Variants in PIGZ observed in about 807,000 individuals in gnomAD.
PIGZ encodes the protein GPI alpha-1,2-mannosyltransferase 4.
In PIGZ, 16 loss-of-function variants were observed where a neutral mutation model predicts 16.4. That is an observed-to-expected ratio of 0.97 (90% confidence interval 0.66 to 1.48). The LOEUF is 1.48. PIGZ is among the 40% of genes most tolerant of loss of function. The pLI, the probability that PIGZ is intolerant of heterozygous loss-of-function variation, is 0.00. For synonymous variants in PIGZ, 409 were observed against 338.4 expected (o/e 1.21, Z -2.29); for missense variants, 770 against 739.2 (o/e 1.04, Z -0.48).
Position 196,948,898 on chromosome 3 carries a change from C to T in PIGZ, c.212-213G>A, listed in dbSNP as rs1281761221. ...TTCCTTCCCTTCCTTCCCCTTCCTT[C>T]CCTTCCCCTCCCCTCCCTTCCCTTC... On this transcript the variant is annotated intron_variant, in intron 2 of 2. Transcript: ENST00000412723. 2.0e-3 allele frequency among the ~76,000 whole-genome samples: 142 copies of T among 69,574 alleles called. 22 individuals are homozygous for T. The highest frequency in any genetic ancestry group is 8.0e-3 in the African/African-American group (129 of 16,166). The allele number at this position is 69,574 out of a possible 152,430, so 45.6% of individuals were successfully genotyped here.
At chr3:196,963,947 C>T (rs1717817696) in intron 1 of PIGZ, among the ~76,000 whole-genome samples, 1 of 152,170 alleles carries the variant, frequency 6.6e-6, no homozygotes, top group Non-Finnish European at 1.5e-5. Flanking sequence ...TCTGAAATTG[C>T]TTCTTTTCTG....
intron 1 of PIGZ, among the ~76,000 whole-genome samples, chr3:196,954,871 T>C (rs916012029): frequency 3.9e-5 from 6 of 152,222 alleles, no homozygotes; most frequent in African/African-American, 1.4e-4. Context: ...CTATACTTAC[T>C]GGATATGGAG....
intron 2 of PIGZ, among the ~76,000 whole-genome samples, chr3:196,950,147 G>A (rs1204031354): frequency 2.0e-5 from 3 of 152,042 alleles, no homozygotes; most frequent in Non-Finnish European, 2.9e-5. Context: ...ACTGTGCCTG[G>A]CTGATTTTTG....
At chr3:196,948,807 T>G in intron 2 of PIGZ, 122 bp from the exon 3 acceptor site, 1 of 575,374 alleles carries the variant, frequency 1.7e-6, no homozygotes, top group Non-Finnish European at 2.7e-6. Context: ...CCTGGGACTG[T>G]GCACGGGCTG....
chr3:196,949,319 A>G (rs956152960), intron 2 of PIGZ, among the ~76,000 whole-genome samples: 1 of 152,094 alleles, frequency 6.6e-6, no homozygotes, highest in Non-Finnish European at 1.5e-5. Flanking sequence ...GGACCTAATC[A>G]CAACAATCTT....
Position 196,951,949 on chromosome 3 carries a change from A to G in PIGZ, c.83T>C (p.Leu28Pro), listed in dbSNP as rs1717304162. 1 of 1,614,196 alleles carries G rather than the reference A, an allele frequency of 6.2e-7. No homozygotes were observed. Among genetic ancestry groups the G allele is most frequent in the Non-Finnish European group, 8.5e-7 (1 of 1,180,036 alleles). ...QVLGPVCWQQ[L>P]DLKMAVRVLW... ...CACCCTGACTGCCATCTTCAGATCC[A>G]GTTGTTGCCAACACACCGGGCCCAA... is the stretch of plus-strand genomic sequence containing the variant. Residue 28 changes from leucine to proline, a missense_variant, in exon 2 of 3, where the codon CTG becomes CCG. Physicochemically the swap from Leu to Pro is moderately conservative, Grantham distance 98. Transcript: ENST00000412723.
At chr3:196,951,613 A>G in intron 2 of PIGZ, 2 of 601,310 alleles carry the variant, frequency 3.3e-6, no homozygotes, top group Non-Finnish European at 5.9e-6. Flanking sequence ...GTTTATTAGC[A>G]TTACCCAGAA....
rs1560181784 is a variant in PIGZ, at chr3:196,949,050, T to TCCTTC, written c.212-366_212-365insGAAGG. On this transcript the variant is annotated intron_variant, in intron 2 of 2. Transcript: ENST00000412723. ...CCTTCCTTCCCTTCCTTCCTTCCCT[T>TCCTTC]CCCTTCCTTCCCCTTCCTTCGCTTC... Among the ~76,000 whole-genome samples the TCCTTC allele has an allele frequency of 7.3e-4, 17 of 23,434 alleles. 1 individual carries two copies. Among genetic ancestry groups the TCCTTC allele is most frequent in the African/African-American group, 6.0e-3 (14 of 2,340 alleles). 15.4% of individuals were successfully genotyped at this position (23,434 alleles called of 152,430 possible). A position where few individuals can be genotyped will look rare whatever the true frequency, so the allele number is the denominator to read the frequency against.
intron 1 of PIGZ, among the ~76,000 whole-genome samples, chr3:196,952,663 C>G (rs1169489645): frequency 6.6e-6 from 1 of 152,154 alleles, no homozygotes; most frequent in Non-Finnish European, 1.5e-5. Context: ...GTCTTGAACT[C>G]CTGACCTCAT....
intron 2 of PIGZ, among the ~76,000 whole-genome samples, chr3:196,950,744 C>CTTTTTTTT (rs35150164): frequency 5.5e-5 from 8 of 145,602 alleles, no homozygotes; most frequent in Admixed American, 7.0e-5. Context: ...CTTCATTAGA[C>CTTTTTTTT]TTTTTTTTTT....
At chr3:196,953,520 G>T (rs1456619918) in intron 1 of PIGZ, among the ~76,000 whole-genome samples, 3 of 152,186 alleles carry the variant, frequency 2.0e-5, no homozygotes, top group Non-Finnish European at 4.4e-5. Context: ...AGTATTAACT[G>T]CATCTCAGAA....
At chr3:196,957,579 A>C (rs545872400) in intron 1 of PIGZ, among the ~76,000 whole-genome samples, 1 of 152,002 alleles carries the variant, frequency 6.6e-6, no homozygotes, top group African/African-American at 2.4e-5. Context: ...ACGGGGTTTC[A>C]TCATGTTGGC....
At chr3:196,960,968 G>A (rs1459602036) in intron 1 of PIGZ, among the ~76,000 whole-genome samples, 2 of 152,198 alleles carry the variant, frequency 1.3e-5, no homozygotes, top group African/African-American at 2.4e-5. Flanking sequence ...GGAATAAAGA[G>A]CAAAATAAGT....
At chr3:196,956,442 A>G (rs995757300) in intron 1 of PIGZ, among the ~76,000 whole-genome samples, 1 of 152,214 alleles carries the variant, frequency 6.6e-6, no homozygotes, top group Non-Finnish European at 1.5e-5. Flanking sequence ...AAACCATCAG[A>G]TCTCGTGAGA....
chr3:196,948,735 G>T, intron 2 of PIGZ, 50 bp from the exon 3 acceptor site: 1 of 1,374,854 alleles, frequency 7.3e-7, no homozygotes, highest in Non-Finnish European at 9.6e-7. Context: ...GGATGTAGTG[G>T]GCAAAATTCT....
chr3:196,949,060 C>CCCTT (rs149390391), intron 2 of PIGZ, among the ~76,000 whole-genome samples: 2 of 23,560 alleles, frequency 8.5e-5, no homozygotes, highest in East Asian at 0.017. Flanking sequence ...TCCCTTCCTT[C>CCCTT]CCCTTCCTTC....
Position 196,951,923 on chromosome 3 carries a change from G to T in PIGZ, c.109C>A (p.Leu37Ile). Residue 37 changes from leucine to isoleucine, a missense_variant, in exon 2 of 3, where the codon CTT becomes ATT. Leu to Ile is a conservative substitution (Grantham distance 5, BLOSUM62 2). Transcript: ENST00000412723. The stretch of plus-strand genomic sequence containing the variant: ...CGGAGCAGGCTGAGACCACCCCAAA[G>T]CACCCTGACTGCCATCTTCAGATCC... ...QLDLKMAVRV[L>I]WGGLSLLRVL... is the part of the protein sequence containing the mutation. 6.2e-7 allele frequency: 1 copy of T among 1,614,134 alleles called. No homozygotes were observed. Among genetic ancestry groups the T allele is most frequent in the Non-Finnish European group, 8.5e-7 (1 of 1,180,040 alleles).
chr3:196,962,552 A>G (rs1717760546), intron 1 of PIGZ, among the ~76,000 whole-genome samples: 1 of 151,874 alleles, frequency 6.6e-6, no homozygotes, highest in Non-Finnish European at 1.5e-5. Flanking sequence ...TCCCCTGGGA[A>G]TGGAATGTCT....
chr3:196,962,842 C>T (rs886199691), intron 1 of PIGZ, among the ~76,000 whole-genome samples: 2 of 152,194 alleles, frequency 1.3e-5, no homozygotes, highest in East Asian at 3.8e-4. Flanking sequence ...TGCCACATCC[C>T]CCTCACTGAG....
Sources: gnomAD v4.1 joint callset for allele counts (sites outside exome capture counted in the v4.1 genomes callset) on GRCh38, gnomAD v4.1.1 for gene constraint, MANE v1.5 for transcripts, NCBI Gene and HGNC (gene_info 2026-07-23, HGNC 2026-07-21) for gene names.